ASXL1: variants seen among roughly 807,000 people sequenced by gnomAD.
ASXL1 encodes ASXL transcriptional regulator 1.
Under a neutral mutation model 89.1 loss-of-function variants are expected in ASXL1, and 65 were observed. The ratio of observed to expected loss-of-function variants is 0.73; its 90% CI spans 0.60 to 0.90. ASXL1 has a LOEUF of 0.90. ASXL1 is among the 40% of genes least tolerant of loss of function. The probability of loss-of-function intolerance (pLI) is 0.00; values close to 1 mark genes in which losing one functional copy is unlikely to be tolerated. For missense variants in ASXL1, 1,786 were observed against 1,942.9 expected, an observed-to-expected ratio of 0.92 and a Z score of 1.52; for synonymous variants, 739 against 746.9, an observed-to-expected ratio of 0.99 and a Z score of 0.17.
chr20:32,431,578 T>C lies in ASXL1; in HGVS notation c.883-5T>C, dbSNP rs1253156496. ...TAGGATTTTTTTCCCCCTTGATCCT[T>C]CTAGGTGGGGACGGATGGCCTGTTG... On this transcript the variant is annotated splice_region_variant and splice_polypyrimidine_tract_variant and intron_variant, in intron 9 of 12. Coordinates refer to ENST00000375687, the MANE Select transcript of ASXL1 (RefSeq NM_015338.6). 6.2e-7 allele frequency: 1 copy of C among 1,614,138 alleles called. No homozygotes were observed. Among genetic ancestry groups the C allele is most frequent in the Non-Finnish European group, 8.5e-7 (1 of 1,180,014 alleles).
chr20:32,369,961 C>T (rs772392242), intron 4 of ASXL1, among the ~76,000 whole-genome samples: 9 of 151,776 alleles, frequency 5.9e-5, no homozygotes, highest in East Asian at 1.9e-4. Context: ...CCTTGTGATC[C>T]GTCCGCCTTA....
In ASXL1 at chr20:32,435,258, C is replaced by G. The variant is rs767399520; in HGVS notation, c.2546C>G (p.Pro849Arg). 4 of 1,614,124 alleles carry G rather than the reference C, an allele frequency of 2.5e-6. No homozygotes were observed. Among genetic ancestry groups the G allele is most frequent in the Non-Finnish European group, 3.4e-6 (4 of 1,180,026 alleles). ...DPVNVTPSSTPESSPTDCLQN... is the reference protein window; with the variant it reads ...DPVNVTPSSTRESSPTDCLQN... The stretch of plus-strand genomic sequence containing the variant: ...GTAAATGTGACCCCCAGTTCCACAC[C>G]TGAATCCTCACCGACTGATTGCCTG... The change falls in exon 13 of 13, where the codon CCT becomes CGT. Residue 849 changes from proline to arginine, a missense_variant. Transcript: ENST00000375687.
chr20:32,358,892 AC>A (rs1453700748), intron 1 of ASXL1, 60 bp downstream of exon 1: 66 of 1,353,362 alleles, frequency 4.9e-5, no homozygotes, highest in Middle Eastern at 2.7e-4. Context: ...CTCGCCGCGC[AC>A]CCCCCCACTG....
At chr20:32,381,278 C>T (rs1236456425) in intron 4 of ASXL1, among the ~76,000 whole-genome samples, 2 of 152,098 alleles carry the variant, frequency 1.3e-5, no homozygotes, top group African/African-American at 4.8e-5. Context: ...CATCACGGCT[C>T]ACTGCAGCCT....
intron 1 of ASXL1, among the ~76,000 whole-genome samples, chr20:32,362,668 A>T (rs6087887): frequency 0.34 from 51,916 of 152,086 alleles, 10,451 homozygotes; most frequent in Middle Eastern, 0.53. Context: ...CAACAACAAC[A>T]AAAAAACCTT....
At chr20:32,432,644 A>T in intron 10 of ASXL1, 1 of 478,510 alleles carries the variant, frequency 2.1e-6, no homozygotes, top group Admixed American at 3.3e-5. Flanking sequence ...CACAGGAAAT[A>T]TGAATGGTTC....
chr20:32,428,088 G>A, intron 4 of ASXL1, 40 bp from the exon 5 acceptor site: 1 of 1,612,110 alleles, frequency 6.2e-7, no homozygotes, highest in South Asian at 1.1e-5. Flanking sequence ...TTAAGAATTT[G>A]TAGGGTTTTG....
At chr20:32,425,061 C>T (rs943427698) in intron 4 of ASXL1, among the ~76,000 whole-genome samples, 3 of 152,132 alleles carry the variant, frequency 2.0e-5, no homozygotes, top group Admixed American at 6.5e-5. Flanking sequence ...TCTTTGCATT[C>T]CTAATGCTGT....
chr20:32,375,705 CAG>C (rs1352177112), intron 4 of ASXL1, among the ~76,000 whole-genome samples: 4 of 149,238 alleles, frequency 2.7e-5, no homozygotes, highest in African/African-American at 4.9e-5. Flanking sequence ...TTTTTTGAGA[CAG>C]GGCCTGGCTC....
rs545295326 is a variant in ASXL1 at position 32,362,251 on chromosome 20, G to A, written c.57+3419G>A. ...AGGTGAATTTGGAGTGCTTGCAATGGCAATTGTATGCACTTCCATGGGAAC... is the reference window on the plus strand; with the variant it reads ...AGGTGAATTTGGAGTGCTTGCAATGACAATTGTATGCACTTCCATGGGAAC... On this transcript the variant is annotated intron_variant, in intron 1 of 12. Coordinates refer to ENST00000375687, the MANE Select transcript of ASXL1 (RefSeq NM_015338.6). Among the ~76,000 whole-genome samples, 202 of 152,282 alleles carry A rather than the reference G, an allele frequency of 1.3e-3. 1 individual carries two copies. The highest frequency in any genetic ancestry group is 4.4e-3 in the African/African-American group (181 of 41,554).
chr20:32,399,745 C>CTATTTT (rs1600525633), intron 4 of ASXL1, among the ~76,000 whole-genome samples: 4 of 66,612 alleles, frequency 6.0e-5, no homozygotes, highest in East Asian at 5.6e-4. Flanking sequence ...ACATATTTTA[C>CTATTTT]TCTTTTTTTT....
intron 8 of ASXL1, 116 bp downstream of exon 8, chr20:32,430,169 C>A: frequency 7.4e-7 from 1 of 1,347,208 alleles, no homozygotes; most frequent in Non-Finnish European, 9.8e-7. Flanking sequence ...TCTTGGGTGG[C>A]CCTCTATTTT....
At chr20:32,432,154 T>A (rs1012599707) in intron 10 of ASXL1, among the ~76,000 whole-genome samples, 11 of 152,294 alleles carry the variant, frequency 7.2e-5, no homozygotes, top group African/African-American at 2.2e-4. Context: ...TATAGTTATA[T>A]GTACAGGGCT....
chr20:32,399,692 G>A (rs1174329513), intron 4 of ASXL1, among the ~76,000 whole-genome samples: 2 of 138,832 alleles, frequency 1.4e-5, no homozygotes, highest in Non-Finnish European at 3.1e-5. Context: ...CTTTTGCAGT[G>A]TGTAATCTGA....
At chr20:32,422,731 C>T (rs1230313820) in intron 4 of ASXL1, among the ~76,000 whole-genome samples, 8 of 151,014 alleles carry the variant, frequency 5.3e-5, no homozygotes, top group African/African-American at 1.9e-4. Context: ...GGATTACAAG[C>T]GTGCACCACC....
At chr20:32,380,141 G>A (rs2048462031) in intron 4 of ASXL1, among the ~76,000 whole-genome samples, 1 of 151,908 alleles carries the variant, frequency 6.6e-6, no homozygotes, top group Non-Finnish European at 1.5e-5. Context: ...AATTAGCTGG[G>A]CGTGGTGGCG....
Position 32,433,568 on chromosome 20 carries a change from ACC to A in ASXL1, c.1372_1373del (p.Pro458SerfsTer26). 6.2e-7 allele frequency: 1 copy of A among 1,614,122 alleles called. No individual in the cohort carries two copies. The highest frequency in any genetic ancestry group is 8.5e-7 in the Non-Finnish European group (1 of 1,180,034). ...TACAAGGATGGGGAGGCTAAGACTG[ACC>A]CAGCAGGGCTGAGCAGTCCCCATCT... On this transcript the variant is annotated frameshift_variant, in exon 12 of 13. Transcript: ENST00000375687. LOFTEE classifies it high-confidence loss of function.
chr20:32,380,642 G>C (rs2048471114), intron 4 of ASXL1, among the ~76,000 whole-genome samples: 1 of 152,174 alleles, frequency 6.6e-6, no homozygotes, highest in Admixed American at 6.5e-5. Flanking sequence ...TGGAGGTACT[G>C]GGGGAGCTGA....
At chr20:32,361,657 A>G (rs1043651024) in intron 1 of ASXL1, among the ~76,000 whole-genome samples, 2 of 151,624 alleles carry the variant, frequency 1.3e-5, no homozygotes, top group Non-Finnish European at 2.9e-5. Flanking sequence ...AAAGAAAAAA[A>G]GAAAAAGGAC....
Sources: gnomAD v4.1 joint callset for allele counts (sites outside exome capture counted in the v4.1 genomes callset) on GRCh38, gnomAD v4.1.1 for gene constraint, MANE v1.5 for transcripts, NCBI Gene and HGNC (gene_info 2026-07-23, HGNC 2026-07-21) for gene names.